GSG1L: variants seen among roughly 807,000 people sequenced by gnomAD.
GSG1L encodes the protein GSG1 like.
Under a neutral mutation model 42.1 loss-of-function variants are expected in GSG1L, and 24 were observed. The observed-to-expected ratio is 0.57, with a 90% CI of 0.41 to 0.80. The LOEUF is 0.80. Among genes scored for constraint, GSG1L ranks in the 30% least tolerant of loss-of-function variants. The pLI is 0.00. For synonymous variants in GSG1L, 215 were observed against 203.5 expected (o/e 1.06, Z -0.48); for missense variants, 445 against 472.2 (o/e 0.94, Z 0.53).
intron 1 of GSG1L, among the ~76,000 whole-genome samples, chr16:28,013,232 A>AT (rs1208300638): frequency 6.6e-6 from 1 of 151,868 alleles, no homozygotes; most frequent in East Asian, 1.9e-4. Context: ...AAAAAAAAAA[A>AT]ACTTACAAGG....
intron 1 of GSG1L, among the ~76,000 whole-genome samples, chr16:28,025,281 G>T (rs1206653641): frequency 6.6e-6 from 1 of 152,168 alleles, no homozygotes; most frequent in Non-Finnish European, 1.5e-5. Flanking sequence ...GAGCCACTGG[G>T]CCTGGCCAGC....
chr16:27,898,664 T>C (rs889626507), intron 2 of GSG1L, among the ~76,000 whole-genome samples: 2 of 140,196 alleles, frequency 1.4e-5, no homozygotes, highest in East Asian at 4.3e-4. Context: ...GCCTCTCTCT[T>C]CCTCCCTCTT....
At position 28,040,336 on chromosome 16, in the gene GSG1L, A is replaced by G. The variant is rs2086092276; in HGVS notation, c.349+22740T>C. On this transcript the variant is annotated intron_variant, in intron 1 of 6. Transcript: ENST00000447459. The surrounding 1 kb of genome is among the most constrained non-coding windows in gnomAD (Gnocchi z 4.1). ...CTCAAGAGAAATGTCACCTCCCCAG[A>G]GGCCTCCCTCTTCTCAATCACTCTC... Among the ~76,000 whole-genome samples the G allele has an allele frequency of 6.6e-6, 1 of 152,092 alleles. No individual in the cohort carries two copies. The highest frequency in any genetic ancestry group is 1.5e-5 in the Non-Finnish European group (1 of 68,022).
Position 28,040,609 on chromosome 16 carries a change from C to T in GSG1L, c.349+22467G>A, listed in dbSNP as rs570525095. Among the ~76,000 whole-genome samples, 7 of 152,314 alleles carry T rather than the reference C, an allele frequency of 4.6e-5. No individual in the cohort carries two copies. In the South Asian group the frequency reaches 8.3e-4, roughly 18 times the overall value. The stretch of plus-strand genomic sequence containing the variant: ...GAACGAATGAATGAAATGTCAAGGA[C>T]GGATGCCCTTCCAGCAACCTAAGAA... On this transcript the variant is annotated intron_variant, in intron 1 of 6. Coordinates refer to ENST00000447459, the MANE Select transcript of GSG1L (RefSeq NM_001109763.2). The surrounding 1 kb of genome is among the most constrained non-coding windows in gnomAD (Gnocchi z 4.1).
chr16:27,969,999 A>T (rs1156948379), intron 1 of GSG1L, among the ~76,000 whole-genome samples: 1 of 152,080 alleles, frequency 6.6e-6, no homozygotes, highest in Non-Finnish European at 1.5e-5. Context: ...GCCCATTTCT[A>T]TATCTTCTTT....
chr16:27,876,931 C>T (rs762130271), intron 3 of GSG1L, among the ~76,000 whole-genome samples: 8 of 152,196 alleles, frequency 5.3e-5, no homozygotes, highest in Non-Finnish European at 1.0e-4. Flanking sequence ...GATTATTTCC[C>T]GGAGATGGAC....
At chr16:27,906,547 T>A (rs1472050095) in intron 2 of GSG1L, among the ~76,000 whole-genome samples, 1 of 152,260 alleles carries the variant, frequency 6.6e-6, no homozygotes, top group Admixed American at 6.5e-5. Context: ...AGATCAAGTT[T>A]GCTTCAGCCC....
chr16:27,861,770 C>T (rs2083655371), intron 3 of GSG1L, among the ~76,000 whole-genome samples: 1 of 152,186 alleles, frequency 6.6e-6, no homozygotes, highest in Non-Finnish European at 1.5e-5. Context: ...ACTGCTTGAG[C>T]CATTCTTCCC....
At chr16:27,972,840 A>C (rs916655282) in intron 1 of GSG1L, among the ~76,000 whole-genome samples, 2 of 152,240 alleles carry the variant, frequency 1.3e-5, no homozygotes, top group Non-Finnish European at 2.9e-5. Context: ...TCAGGGTGAG[A>C]ATCACAGCCT....
intron 4 of GSG1L, among the ~76,000 whole-genome samples, chr16:27,830,490 A>G (rs1049397159): frequency 1.3e-5 from 2 of 152,216 alleles, no homozygotes; most frequent in Non-Finnish European, 2.9e-5. Flanking sequence ...GGGATCCTCA[A>G]AAGGACCATC....
chr16:27,863,971 G>T (rs565577736), intron 3 of GSG1L, among the ~76,000 whole-genome samples: 1 of 152,190 alleles, frequency 6.6e-6, no homozygotes, highest in Non-Finnish European at 1.5e-5. Context: ...GCATTATACA[G>T]AGCATGATCC....
intron 1 of GSG1L, among the ~76,000 whole-genome samples, chr16:27,995,067 T>A (rs2085500560): frequency 6.6e-6 from 1 of 152,156 alleles, no homozygotes; most frequent in South Asian, 2.1e-4. Context: ...TCCTACAGCA[T>A]CCCCAAGTTC....
At chr16:27,977,550 A>C (rs1340861157) in intron 1 of GSG1L, among the ~76,000 whole-genome samples, 1 of 109,178 alleles carries the variant, frequency 9.2e-6, no homozygotes, top group Non-Finnish European at 1.8e-5. Flanking sequence ...ACGGAGTGAC[A>C]CCCTGCCTCA....
Position 27,849,197 on chromosome 16 carries a change from CAAAAAGAAAAA to C in GSG1L, c.551-4147_551-4137del, listed in dbSNP as rs1433334889. ...TGGGTGACAGAGTGAGCCTCTATCCCAAAAAGAAAAAAAAAAAAAAAAAAAAGAGAAAAGAA... is the reference window on the plus strand; with the variant it reads ...TGGGTGACAGAGTGAGCCTCTATCCCAAAAAAAAAAAAAAAGAGAAAAGAA... On this transcript the variant is annotated intron_variant, in intron 3 of 6. Transcript: ENST00000447459. 6.4e-3 allele frequency among the ~76,000 whole-genome samples: 730 copies of C among 113,632 alleles called. 10 individuals carry two copies. The highest frequency in any genetic ancestry group is 8.8e-3 in the Non-Finnish European group (474 of 53,608). 74.5% of individuals were successfully genotyped at this position (113,632 alleles called of 152,430 possible).
At chr16:27,808,978 G>T (rs576269651) in intron 5 of GSG1L, among the ~76,000 whole-genome samples, 78 of 152,242 alleles carry the variant, frequency 5.1e-4, no homozygotes, top group Admixed American at 2.0e-3. Context: ...CCCGAGAACC[G>T]GTGGGGTCAT....
At chr16:27,816,065 T>C (rs1257985081) in intron 5 of GSG1L, among the ~76,000 whole-genome samples, 3 of 152,242 alleles carry the variant, frequency 2.0e-5, no homozygotes, top group Non-Finnish European at 4.4e-5. Context: ...TTATTGTTAC[T>C]GTTGTCACCA....
intron 4 of GSG1L, among the ~76,000 whole-genome samples, chr16:27,834,248 T>A (rs2140971892): frequency 6.6e-6 from 1 of 152,324 alleles, no homozygotes; most frequent in Admixed American, 6.5e-5. Flanking sequence ...TGACACTGAC[T>A]GATTTTTCAA....
Position 27,936,768 on chromosome 16 carries a change from T to C in GSG1L, c.397+26388A>G, listed in dbSNP as rs533654170. Among the ~76,000 whole-genome samples, 192 of 152,190 alleles carry C rather than the reference T, an allele frequency of 1.3e-3. 5 individuals carry two copies. Among genetic ancestry groups the C allele is most frequent in the Admixed American group, 3.9e-4 (6 of 15,284 alleles). ...TACATTGGTACAAAAGTAATTGCAG[T>C]GTTTGCCACTGAAAGCAATGACAAA... On this transcript the variant is annotated intron_variant, in intron 2 of 6. Coordinates refer to ENST00000447459, the MANE Select transcript of GSG1L (RefSeq NM_001109763.2).
At chr16:28,034,434 G>A (rs1440840050) in intron 1 of GSG1L, among the ~76,000 whole-genome samples, 2 of 152,188 alleles carry the variant, frequency 1.3e-5, no homozygotes, top group Non-Finnish European at 2.9e-5. Flanking sequence ...ATTTCTACTG[G>A]CTTATGTGAA....
Sources: allele counts gnomAD v4.1 joint callset (sites outside exome capture counted in the v4.1 genomes callset), GRCh38; gene constraint gnomAD v4.1.1; non-coding constraint Gnocchi (gnomAD v3.1); transcripts MANE v1.5; gene names NCBI Gene and HGNC (gene_info 2026-07-23, HGNC 2026-07-21).